KCNMA1: variants seen among roughly 807,000 people sequenced by gnomAD.
KCNMA1 encodes Calcium-activated potassium channel subunit alpha-1.
In KCNMA1, 29 loss-of-function variants were observed where a neutral mutation model predicts 140.0. The ratio of observed to expected loss-of-function variants is 0.21; its 90% CI spans 0.15 to 0.28. The LOEUF (loss-of-function observed/expected upper bound fraction) is 0.28. KCNMA1 is among the 10% of genes least tolerant of loss of function. KCNMA1 has a pLI of 1.00. For missense variants in KCNMA1, 880 were observed against 1,602.2 expected (o/e 0.55, Z 7.70); for synonymous variants, 612 against 611.9 (o/e 1.00, Z 0.00).
intron 18 of KCNMA1, 42 bp from the exon 19 acceptor site, chr10:77,001,622 A>G (rs1207666526): frequency 1.3e-6 from 2 of 1,503,748 alleles, no homozygotes; most frequent in South Asian, 1.2e-5. Flanking sequence ...AAGAGCGGCA[A>G]TTAATGGCAA....
intron 1 of KCNMA1, among the ~76,000 whole-genome samples, chr10:77,411,605 G>A (rs1038074807): frequency 6.6e-6 from 1 of 152,164 alleles, no homozygotes; most frequent in African/African-American, 2.4e-5. Flanking sequence ...AGCAGCAGAC[G>A]GGAGAATGCA....
At chr10:77,482,987 CACA>C (rs2098416633) in intron 1 of KCNMA1, among the ~76,000 whole-genome samples, 21 of 50,794 alleles carry the variant, frequency 4.1e-4, no homozygotes, top group Admixed American at 2.8e-3. Context: ...CTCTCTCTCT[CACA>C]TACACACACA....
At chr10:77,527,187 A>G (rs1056473329) in intron 1 of KCNMA1, among the ~76,000 whole-genome samples, 1 of 152,164 alleles carries the variant, frequency 6.6e-6, no homozygotes. Context: ...CATACTCCCA[A>G]ATTTACATTA....
intron 1 of KCNMA1, among the ~76,000 whole-genome samples, chr10:77,619,743 T>C (rs2090811855): frequency 6.6e-6 from 1 of 151,662 alleles, no homozygotes; most frequent in Admixed American, 6.6e-5. Context: ...GTATAGAAAA[T>C]AGGGCTGCAG....
rs762064283 is a variant in KCNMA1, at chr10:77,540,788, G to T, written c.378+96477C>A. ...GGCCGAGGTGGGCTGATCCCCTGAG[G>T]TCAGGAGTTGGAGACCAGCCTGGTC... On this transcript the variant is annotated intron_variant, in intron 1 of 27. Coordinates refer to ENST00000286628, the MANE Select transcript of KCNMA1 (RefSeq NM_001161352.2). Among the ~76,000 whole-genome samples the T allele has an allele frequency of 1.6e-3, 239 of 152,080 alleles. 7 individuals carry two copies. Among genetic ancestry groups the T allele is most frequent in the Non-Finnish European group, 4.1e-4 (28 of 68,022 alleles).
chr10:77,072,475 G>A (rs1038673339), intron 14 of KCNMA1, among the ~76,000 whole-genome samples: 3 of 151,908 alleles, frequency 2.0e-5, no homozygotes, highest in African/African-American at 7.3e-5. Context: ...GCCACCTTGG[G>A]GACTCTGGAG....
intron 26 of KCNMA1, among the ~76,000 whole-genome samples, chr10:76,891,053 T>G (rs1053699647): frequency 2.6e-5 from 4 of 152,212 alleles, no homozygotes; most frequent in African/African-American, 9.7e-5. Flanking sequence ...GCCACCTCCA[T>G]GTGCTATTAA....
intron 2 of KCNMA1, among the ~76,000 whole-genome samples, chr10:77,368,497 T>C (rs1249216742): frequency 6.6e-6 from 1 of 152,216 alleles, no homozygotes; most frequent in Admixed American, 6.5e-5. Flanking sequence ...TAGCTTATCT[T>C]TTCATTCTCA....
At chr10:77,262,956 G>T (rs1009797672) in intron 2 of KCNMA1, among the ~76,000 whole-genome samples, 1 of 152,142 alleles carries the variant, frequency 6.6e-6, no homozygotes, top group East Asian at 1.9e-4. Flanking sequence ...CCACTGAATT[G>T]TACCCTTACA....
intron 5 of KCNMA1, among the ~76,000 whole-genome samples, chr10:77,126,467 T>C (rs1185599206): frequency 6.6e-6 from 1 of 152,192 alleles, no homozygotes; most frequent in African/African-American, 2.4e-5. Context: ...CACTAATGAC[T>C]AACAACAATA....
intron 1 of KCNMA1, among the ~76,000 whole-genome samples, chr10:77,551,670 A>G (rs1453558534): frequency 6.6e-6 from 1 of 152,192 alleles, no homozygotes; most frequent in Non-Finnish European, 1.5e-5. Context: ...ATGATGCTTC[A>G]AAATTCTAGC....
At chr10:77,565,925 A>G (rs1031729605) in intron 1 of KCNMA1, among the ~76,000 whole-genome samples, 4 of 152,048 alleles carry the variant, frequency 2.6e-5, no homozygotes, top group African/African-American at 7.2e-5. Context: ...CCAGGGACAC[A>G]CAGAACAAGC....
Position 77,108,360 on chromosome 10 carries a change from G to A in KCNMA1, c.1223+121C>T, listed in dbSNP as rs1052228527. ...GGATGAGAGCAGCAATTTCGGGCAC[G>A]TAGCGGGCAAACATTGCCTACATGC... On this transcript the variant is annotated intron_variant, in intron 9 of 27. Transcript: ENST00000286628. The surrounding 1 kb of genome is among the most constrained non-coding windows in gnomAD (Gnocchi z 4.6). 2.3e-5 allele frequency: 36 copies of A among 1,592,848 alleles called. No homozygotes were observed. The highest frequency in any genetic ancestry group is 3.0e-5 in the Non-Finnish European group (35 of 1,175,742).
At chr10:77,374,756 C>G (rs1431446749) in intron 2 of KCNMA1, among the ~76,000 whole-genome samples, 1 of 152,188 alleles carries the variant, frequency 6.6e-6, no homozygotes, top group East Asian at 1.9e-4. Context: ...CAAAAACAAA[C>G]AGACATGAGT....
intron 3 of KCNMA1, among the ~76,000 whole-genome samples, chr10:77,189,477 G>A (rs905185428): frequency 5.3e-5 from 8 of 152,136 alleles, no homozygotes; most frequent in African/African-American, 1.7e-4. Flanking sequence ...AACAATCAGA[G>A]AGTACCTGCT....
At chr10:77,572,603 T>C (rs574914651) in intron 1 of KCNMA1, among the ~76,000 whole-genome samples, 1 of 98,662 alleles carries the variant, frequency 1.0e-5, no homozygotes, top group Non-Finnish European at 2.1e-5. Context: ...TATATATATA[T>C]AAATTAGCTG....
chr10:77,352,259 G>T (rs968749597), intron 2 of KCNMA1, among the ~76,000 whole-genome samples: 1 of 152,194 alleles, frequency 6.6e-6, no homozygotes, highest in Non-Finnish European at 1.5e-5. Flanking sequence ...TATTTCTCCT[G>T]GTTAGTGGTC....
chr10:77,272,320 A>G (rs1055897052), intron 2 of KCNMA1, among the ~76,000 whole-genome samples: 1 of 152,164 alleles, frequency 6.6e-6, no homozygotes, highest in African/African-American at 2.4e-5. Context: ...TACCCTCCTT[A>G]AAGTATAGGT....
At chr10:77,076,443 A>G (rs1299521140) in intron 13 of KCNMA1, among the ~76,000 whole-genome samples, 1 of 152,220 alleles carries the variant, frequency 6.6e-6, no homozygotes, top group East Asian at 1.9e-4. Context: ...AATTCTAGTG[A>G]TATTAAAAGA....
Sources: allele counts gnomAD v4.1 joint callset (sites outside exome capture counted in the v4.1 genomes callset), GRCh38; gene constraint gnomAD v4.1.1; non-coding constraint Gnocchi (gnomAD v3.1); transcripts MANE v1.5; gene names NCBI Gene and HGNC (gene_info 2026-07-23, HGNC 2026-07-21).